The following GRID2 variants were observed in gnomAD, a reference collection of about 807,000 sequenced individuals.
GRID2 encodes glutamate ionotropic receptor delta type subunit 2, also known as glutamate receptor ionotropic, delta-2.
GRID2 carries 33 observed loss-of-function variants against 114.8 expected under a neutral mutation model. The ratio of observed to expected loss-of-function variants is 0.29; its 90% CI spans 0.22 to 0.38. The LOEUF is 0.38. Ranked by LOEUF, GRID2 falls within the 10% of genes least tolerant of loss-of-function variation. GRID2 has a pLI of 1.00. For missense variants in GRID2, 1,184 were observed against 1,257.7 expected (o/e 0.94, Z 0.89); for synonymous variants, 505 against 449.9 (o/e 1.12, Z -1.55).
At chr4:92,588,107 A>T (rs2149208987) in intron 1 of GRID2, among the ~76,000 whole-genome samples, 1 of 152,292 alleles carries the variant, frequency 6.6e-6, no homozygotes, top group East Asian at 1.9e-4. Flanking sequence ...ACCTGAGAGT[A>T]TTAAATTTCA....
At chr4:92,921,813 C>T (rs1038088789) in intron 2 of GRID2, among the ~76,000 whole-genome samples, 2 of 152,204 alleles carry the variant, frequency 1.3e-5, no homozygotes, top group Admixed American at 6.5e-5. Flanking sequence ...CTTGAGGAGG[C>T]AGTCTGTCTG....
At chr4:92,679,162 G>A (rs1297957644) in intron 2 of GRID2, among the ~76,000 whole-genome samples, 2 of 151,854 alleles carry the variant, frequency 1.3e-5, no homozygotes, top group Non-Finnish European at 2.9e-5. Context: ...TAAGTCTTTG[G>A]TCAAGCCTTG....
At chr4:92,351,650 T>G (rs1290869835) in intron 1 of GRID2, among the ~76,000 whole-genome samples, 1 of 151,820 alleles carries the variant, frequency 6.6e-6, no homozygotes, top group Non-Finnish European at 1.5e-5. Context: ...AACCTCTCCC[T>G]TCTCTTCCCT....
At position 92,837,326 on chromosome 4, in the gene GRID2, G is replaced by C. The variant is rs1742526956; in HGVS notation, c.244+247040G>C. ...AACAAATACAAGTTTCAAGCTTTAA[G>C]ACCAGAAGGGTCCATTTCTATGTTT... On this transcript the variant is annotated intron_variant, in intron 2 of 15. Transcript: ENST00000282020. 2.6e-5 allele frequency among the ~76,000 whole-genome samples: 4 copies of C among 151,920 alleles called. No individual in the cohort carries two copies. The South Asian group carries it at 8.3e-4, about 32-fold the overall frequency.
At chr4:93,044,124 C>T (rs1725896670) in intron 2 of GRID2, among the ~76,000 whole-genome samples, 1 of 151,974 alleles carries the variant, frequency 6.6e-6, no homozygotes, top group African/African-American at 2.4e-5. Flanking sequence ...CTTAACAAAC[C>T]TCACTCATCA....
chr4:93,563,055 T>C (rs1578268588), intron 13 of GRID2, among the ~76,000 whole-genome samples: 1 of 152,160 alleles, frequency 6.6e-6, no homozygotes, highest in South Asian at 2.1e-4. Context: ...GATAGTTTTA[T>C]AGCAGTGAAA....
intron 1 of GRID2, among the ~76,000 whole-genome samples, chr4:92,431,576 C>CTT (rs139358667): frequency 2.6e-5 from 3 of 114,114 alleles, no homozygotes; most frequent in Admixed American, 8.8e-5. Flanking sequence ...TTTGACGTGT[C>CTT]TTTTTTTTTT....
chr4:92,960,288 G>T (rs1026116303), intron 2 of GRID2, among the ~76,000 whole-genome samples: 27 of 151,988 alleles, frequency 1.8e-4, no homozygotes, highest in African/African-American at 6.5e-4. Flanking sequence ...TTCATTGATG[G>T]TGCTGTAGAG....
intron 2 of GRID2, among the ~76,000 whole-genome samples, chr4:92,945,956 C>G (rs1751594884): frequency 6.6e-6 from 1 of 152,026 alleles, no homozygotes; most frequent in South Asian, 2.1e-4. Context: ...TAGCGCATGC[C>G]TTTTTACATG....
chr4:92,975,155 T>TTAAAAAAAAAAAAAAA (rs1753783685), intron 2 of GRID2, among the ~76,000 whole-genome samples: 1 of 13,084 alleles, frequency 7.6e-5, no homozygotes, highest in Non-Finnish European at 1.1e-4. Context: ...AGATTCCGCC[T>TTAAAAAAAAAAAAAAA]CAAAAAAAAA....
At chr4:92,746,726 C>A (rs1284023575) in intron 2 of GRID2, among the ~76,000 whole-genome samples, 1 of 152,066 alleles carries the variant, frequency 6.6e-6, no homozygotes, top group Non-Finnish European at 1.5e-5. Context: ...TCTAGTCTGT[C>A]ACTAACTTGC....
At chr4:93,252,325 C>CA (rs1749045468) in intron 8 of GRID2, among the ~76,000 whole-genome samples, 1 of 115,764 alleles carries the variant, frequency 8.6e-6, no homozygotes, top group African/African-American at 3.5e-5. Flanking sequence ...ATAGGGAATC[C>CA]TTCATTTTTT....
intron 4 of GRID2, among the ~76,000 whole-genome samples, chr4:93,190,776 T>C (rs1386334449): frequency 6.6e-6 from 1 of 152,110 alleles, no homozygotes; most frequent in Admixed American, 6.6e-5. Context: ...GTTACTGTTT[T>C]AATCATAATT....
intron 1 of GRID2, among the ~76,000 whole-genome samples, chr4:92,497,661 A>G (rs2149119824): frequency 6.6e-6 from 1 of 152,016 alleles, no homozygotes; most frequent in African/African-American, 2.4e-5. Flanking sequence ...AATTAAAAAT[A>G]TGTTGCACTT....
chr4:93,609,186 G>C (rs2149659798), intron 13 of GRID2, among the ~76,000 whole-genome samples: 1 of 102,332 alleles, frequency 9.8e-6, no homozygotes, highest in East Asian at 2.2e-4. Flanking sequence ...AAATTTGTTT[G>C]AGTTCATTGT....
At chr4:92,940,882 A>C (rs542580479) in intron 2 of GRID2, among the ~76,000 whole-genome samples, 2 of 152,088 alleles carry the variant, frequency 1.3e-5, no homozygotes, top group African/African-American at 2.4e-5. Context: ...ATTGATTTGC[A>C]TATGTTGAAC....
intron 10 of GRID2, among the ~76,000 whole-genome samples, chr4:93,436,238 G>C (rs1044098388): frequency 2.0e-5 from 3 of 152,052 alleles, no homozygotes; most frequent in African/African-American, 7.2e-5. Flanking sequence ...TCTCAGGCAG[G>C]CTCTCCTCTC....
intron 6 of GRID2, among the ~76,000 whole-genome samples, chr4:93,222,686 A>G (rs1350800726): frequency 1.3e-5 from 2 of 151,884 alleles, no homozygotes; most frequent in Admixed American, 6.6e-5. Flanking sequence ...TCATTGTTCA[A>G]TTCCCACCTA....
intron 2 of GRID2, among the ~76,000 whole-genome samples, chr4:92,769,583 A>G (rs963832922): frequency 6.6e-6 from 1 of 152,168 alleles, no homozygotes; most frequent in Non-Finnish European, 1.5e-5. Flanking sequence ...TTGCCTGGAC[A>G]TCCAGGCATT....
Sources: allele counts gnomAD v4.1 joint callset (sites outside exome capture counted in the v4.1 genomes callset), GRCh38; gene constraint gnomAD v4.1.1; transcripts MANE v1.5; gene names NCBI Gene and HGNC (gene_info 2026-07-23, HGNC 2026-07-21).